The following MYO3B variants were observed in gnomAD, a reference collection of about 807,000 sequenced individuals.
MYO3B encodes myosin IIIB.
MYO3B carries 156 observed loss-of-function variants against 174.6 expected under a neutral mutation model. The ratio of observed to expected loss-of-function variants is 0.89; its 90% CI spans 0.78 to 1.02. The LOEUF is 1.02. Ranked by LOEUF, MYO3B falls within the 50% of genes least tolerant of loss-of-function variation. MYO3B has a pLI of 0.00. For missense variants in MYO3B, 1,632 were observed against 1,639.4 expected, an observed-to-expected ratio of 1.00 and a Z score of 0.08; for synonymous variants, 563 against 569.1, an observed-to-expected ratio of 0.99 and a Z score of 0.15.
chr2:170,557,116 G>A (rs2106241972), intron 32 of MYO3B, among the ~76,000 whole-genome samples: 1 of 150,912 alleles, frequency 6.6e-6, no homozygotes, highest in East Asian at 1.9e-4. Context: ...GGTTCAAAGG[G>A]TATGTCTGCA....
chr2:170,467,046 G>T (rs982745897), intron 25 of MYO3B, among the ~76,000 whole-genome samples: 5 of 152,110 alleles, frequency 3.3e-5, no homozygotes, highest in African/African-American at 9.7e-5. Flanking sequence ...ATGCACCCAA[G>T]CACCAGTTCT....
rs532541044 is a variant in MYO3B at position 170,450,005 on chromosome 2, G to A, written c.2730+5959G>A. 2.6e-5 allele frequency among the ~76,000 whole-genome samples: 4 copies of A among 152,242 alleles called. No individual in the cohort carries two copies. In the South Asian group the frequency reaches 6.2e-4, roughly 24 times the overall value. On this transcript the variant is annotated intron_variant, in intron 23 of 34. Coordinates refer to ENST00000408978, the MANE Select transcript of MYO3B (RefSeq NM_138995.5). ...TGAAAAGGATCAAAACAAGACAACT[G>A]TCTGTGGATGACAAAAGTCTTAGGA...
At chr2:170,423,284 A>T (rs2094632886) in intron 22 of MYO3B, among the ~76,000 whole-genome samples, 1 of 152,104 alleles carries the variant, frequency 6.6e-6, no homozygotes, top group Admixed American at 6.5e-5. Context: ...TGCCCAGCCT[A>T]ATCCAGCCAC....
At chr2:170,528,511 T>C (rs1689141416) in intron 30 of MYO3B, among the ~76,000 whole-genome samples, 1 of 152,196 alleles carries the variant, frequency 6.6e-6, no homozygotes, top group African/African-American at 2.4e-5. Flanking sequence ...GTTTAACCGA[T>C]TCTCCTGCCT....
chr2:170,249,211 T>A (rs1317446283), intron 7 of MYO3B, among the ~76,000 whole-genome samples: 1 of 152,248 alleles, frequency 6.6e-6, no homozygotes, highest in Non-Finnish European at 1.5e-5. Flanking sequence ...CCTGAGCAAC[T>A]CTGCTTGTGG....
intron 34 of MYO3B, among the ~76,000 whole-genome samples, chr2:170,652,403 ACTTT>A (rs1320984040): frequency 4.2e-4 from 64 of 152,274 alleles, no homozygotes; most frequent in African/African-American, 1.5e-3. Context: ...AGGGAATTGT[ACTTT>A]CTTCATAATT....
chr2:170,284,149 G>A (rs1445265938), intron 7 of MYO3B, among the ~76,000 whole-genome samples: 1 of 152,132 alleles, frequency 6.6e-6, no homozygotes, highest in African/African-American at 2.4e-5. Flanking sequence ...AAGCTGGGGG[G>A]AAGAAACTGA....
chr2:170,495,229 ACCTCTT>A (rs1226376099), intron 25 of MYO3B, among the ~76,000 whole-genome samples: 1 of 152,152 alleles, frequency 6.6e-6, no homozygotes, highest in Non-Finnish European at 1.5e-5. Context: ...TTCCTGATGG[ACCTCTT>A]GGCTTGGTTC....
rs551510194 is a variant in MYO3B at position 170,555,540 on chromosome 2, T to C, written c.3733+11552T>C. Among the ~76,000 whole-genome samples, 4 of 152,294 alleles carry C rather than the reference T, an allele frequency of 2.6e-5. No individual in the cohort carries two copies. In the East Asian group the frequency reaches 7.7e-4, roughly 29 times the overall value. On this transcript the variant is annotated intron_variant, in intron 32 of 34. Transcript: ENST00000408978. ...GTCATATAGTTGGAATCATACAGTA[T>C]ATAGCCATTTCTGATTGACTTCTTT...
At chr2:170,448,920 A>C (rs1305217314) in intron 23 of MYO3B, among the ~76,000 whole-genome samples, 6 of 152,158 alleles carry the variant, frequency 3.9e-5, no homozygotes, top group African/African-American at 1.4e-4. Context: ...TATTTGCATA[A>C]AGTCCAGTAG....
chr2:170,632,333 A>G (rs1697066697), intron 32 of MYO3B, among the ~76,000 whole-genome samples: 1 of 152,166 alleles, frequency 6.6e-6, no homozygotes, highest in Admixed American at 6.5e-5. Context: ...CTCACTCAAA[A>G]CCGCTCAACT....
At chr2:170,269,721 A>G (rs577519015) in intron 7 of MYO3B, among the ~76,000 whole-genome samples, 2 of 152,194 alleles carry the variant, frequency 1.3e-5, no homozygotes, top group Non-Finnish European at 2.9e-5. Context: ...AACAATTAGG[A>G]TATATAAATT....
At chr2:170,489,368 A>G (rs1442941337) in intron 25 of MYO3B, among the ~76,000 whole-genome samples, 3 of 152,124 alleles carry the variant, frequency 2.0e-5, no homozygotes, top group African/African-American at 7.2e-5. Context: ...TGTGAGGAGG[A>G]ACAATGGGAT....
chr2:170,560,900 C>T (rs1046046010), intron 32 of MYO3B, among the ~76,000 whole-genome samples: 8 of 152,152 alleles, frequency 5.3e-5, no homozygotes, highest in East Asian at 1.9e-4. Flanking sequence ...GACAGAACAT[C>T]CAAGGATCCA....
intron 7 of MYO3B, among the ~76,000 whole-genome samples, chr2:170,322,642 A>G (rs1404319555): frequency 6.6e-6 from 1 of 152,152 alleles, no homozygotes; most frequent in Non-Finnish European, 1.5e-5. Flanking sequence ...ATCTCTATAA[A>G]GCCTTTGTAG....
At chr2:170,460,187 C>G (rs1354780321) in intron 23 of MYO3B, among the ~76,000 whole-genome samples, 1 of 152,074 alleles carries the variant, frequency 6.6e-6, no homozygotes, top group African/African-American at 2.4e-5. Flanking sequence ...ATGTTGTCAC[C>G]TCTCAATATC....
intron 7 of MYO3B, among the ~76,000 whole-genome samples, chr2:170,250,604 T>A (rs1033515706): frequency 2.0e-5 from 3 of 152,220 alleles, no homozygotes; most frequent in African/African-American, 7.2e-5. Flanking sequence ...GCTTAAGTGT[T>A]AACCAGCTCA....
intron 28 of MYO3B, among the ~76,000 whole-genome samples, chr2:170,513,092 C>A (rs765682925): frequency 6.6e-6 from 1 of 152,122 alleles, no homozygotes; most frequent in African/African-American, 2.4e-5. Context: ...TTTCCCCGCA[C>A]ACCCCAGCCA....
At chr2:170,634,355 AC>A (rs1559183404) in intron 32 of MYO3B, among the ~76,000 whole-genome samples, 1 of 152,206 alleles carries the variant, frequency 6.6e-6, no homozygotes, top group Non-Finnish European at 1.5e-5. Context: ...CTAACAAAAA[AC>A]AAGCAATGGG....
Sources: gnomAD v4.1 joint callset for allele counts (sites outside exome capture counted in the v4.1 genomes callset) on GRCh38, gnomAD v4.1.1 for gene constraint, MANE v1.5 for transcripts, NCBI Gene and HGNC (gene_info 2026-07-23, HGNC 2026-07-21) for gene names.